The following ITGA1 variants were observed in gnomAD, a reference collection of about 807,000 sequenced individuals.
The protein encoded by ITGA1 is integrin alpha-1.
In ITGA1, 85 loss-of-function variants were observed where a neutral mutation model predicts 145.9. The observed-to-expected ratio is 0.58, with a 90% CI of 0.49 to 0.70. The LOEUF is 0.70. ITGA1 is among the 30% of genes least tolerant of loss of function. The probability of loss-of-function intolerance (pLI) is 0.00; values close to 1 mark genes in which losing one functional copy is unlikely to be tolerated. For missense variants in ITGA1, 1,351 were observed against 1,418.7 expected, an observed-to-expected ratio of 0.95 and a Z score of 0.77; for synonymous variants, 520 against 495.3, an observed-to-expected ratio of 1.05 and a Z score of -0.66.
At chr5:52,843,824 G>C (rs1749294238) in intron 1 of ITGA1, among the ~76,000 whole-genome samples, 1 of 152,016 alleles carries the variant, frequency 6.6e-6, no homozygotes, top group Non-Finnish European at 1.5e-5. Flanking sequence ...AATGCAACCT[G>C]GCTTTTGGCA....
chr5:52,923,347 G>GTAATTGGCA (rs1356364722), intron 18 of ITGA1, among the ~76,000 whole-genome samples: 10 of 151,958 alleles, frequency 6.6e-5, no homozygotes, highest in African/African-American at 2.4e-4. Context: ...TCTTCCTCTG[G>GTAATTGGCA]TAATTGGCAA....
rs577373802 is a variant in ITGA1 at position 52,831,678 on chromosome 5, G to A, written c.62-17687G>A. 1.3e-4 allele frequency among the ~76,000 whole-genome samples: 20 copies of A among 150,322 alleles called. No individual in the cohort carries two copies. In the East Asian group the frequency reaches 1.8e-3, roughly 13 times the overall value. On this transcript the variant is annotated intron_variant, in intron 1 of 28. Coordinates refer to ENST00000282588, the MANE Select transcript of ITGA1 (RefSeq NM_181501.2). ...TTTAATTACATCTTAAATACATCTC[G>A]CAAGTGACTACAAATTCTTTGAGGG...
At chr5:52,857,957 T>G (rs990034190) in intron 2 of ITGA1, among the ~76,000 whole-genome samples, 2 of 152,202 alleles carry the variant, frequency 1.3e-5, no homozygotes, top group African/African-American at 4.8e-5. Context: ...CCAAAAAACT[T>G]ACCTGAACCA....
intron 1 of ITGA1, among the ~76,000 whole-genome samples, chr5:52,831,589 C>T (rs983296547): frequency 1.3e-5 from 2 of 150,552 alleles, no homozygotes; most frequent in African/African-American, 4.9e-5. Context: ...ATCACAATAA[C>T]AGTAATCACT....
chr5:52,913,430 A>T (rs1344740789), intron 14 of ITGA1, among the ~76,000 whole-genome samples: 1 of 152,200 alleles, frequency 6.6e-6, no homozygotes, highest in African/African-American at 2.4e-5. Flanking sequence ...AATAAATCTG[A>T]ATATTAAGTT....
chr5:52,944,665 T>C (rs576818835), intron 26 of ITGA1, among the ~76,000 whole-genome samples: 2 of 152,286 alleles, frequency 1.3e-5, no homozygotes, highest in East Asian at 3.9e-4. Flanking sequence ...AGGCAGAGTT[T>C]GAGGTTTGTT....
intron 24 of ITGA1, among the ~76,000 whole-genome samples, chr5:52,938,011 C>T (rs959977623): frequency 2.0e-5 from 3 of 152,176 alleles, no homozygotes; most frequent in African/African-American, 7.2e-5. Flanking sequence ...AGAGTGATCT[C>T]ATCTGGAGAT....
At chr5:52,913,225 C>T (rs1450245151) in intron 14 of ITGA1, among the ~76,000 whole-genome samples, 1 of 151,982 alleles carries the variant, frequency 6.6e-6, no homozygotes, top group Non-Finnish European at 1.5e-5. Context: ...GAGGGCACTG[C>T]TTTCTGAATA....
At chr5:52,942,691 C>T (rs1002800868) in intron 26 of ITGA1, among the ~76,000 whole-genome samples, 4 of 133,230 alleles carry the variant, frequency 3.0e-5, no homozygotes, top group South Asian at 2.8e-4. Flanking sequence ...CCACCATGCC[C>T]GGCTAATTTT....
At chr5:52,824,205 C>T (rs1748923081) in intron 1 of ITGA1, 1 of 151,846 alleles carries the variant, frequency 6.6e-6, no homozygotes, top group South Asian at 2.1e-4. Context: ...CATGATTCAT[C>T]CACATTTTAA....
intron 1 of ITGA1, among the ~76,000 whole-genome samples, chr5:52,840,308 G>A (rs908938163): frequency 6.6e-5 from 10 of 152,164 alleles, no homozygotes; most frequent in East Asian, 3.9e-4. Flanking sequence ...GTTTTGAAGC[G>A]TAGTACGCCT....
chr5:52,862,859 G>C (rs553800064), intron 3 of ITGA1, among the ~76,000 whole-genome samples: 39 of 152,146 alleles, frequency 2.6e-4, no homozygotes, highest in African/African-American at 9.4e-4. Flanking sequence ...GTATTTTTCA[G>C]TTCTCCTTTT....
chr5:52,876,773 G>A (rs927606757), intron 6 of ITGA1, among the ~76,000 whole-genome samples: 1 of 152,232 alleles, frequency 6.6e-6, no homozygotes. Flanking sequence ...GATATAGTGT[G>A]CACTCAAACA....
At chr5:52,951,579 T>G (rs1451981802) in intron 28 of ITGA1, among the ~76,000 whole-genome samples, 2 of 152,194 alleles carry the variant, frequency 1.3e-5, no homozygotes, top group Non-Finnish European at 2.9e-5. Context: ...AAGAGGCTTT[T>G]TATATCAAAT....
chr5:52,800,658 C>T lies in ITGA1; in HGVS notation c.61+12244C>T, dbSNP rs772209348. On this transcript the variant is annotated intron_variant, in intron 1 of 28. Transcript: ENST00000282588. Reference sequence around the variant, plus strand: ...AGCTGCGGGTTAAGGGGACCAACATCCAAGAGAATGAGTATGTCAAGATGG... The same window carrying T: ...AGCTGCGGGTTAAGGGGACCAACATTCAAGAGAATGAGTATGTCAAGATGG... The T allele has an allele frequency of 1.9e-6, 3 of 1,614,146 alleles. No individual in the cohort carries two copies. The East Asian group carries it at 6.7e-5, about 36-fold the overall frequency.
At chr5:52,932,495 G>A (rs1750907728) in intron 22 of ITGA1, 1 of 172,218 alleles carries the variant, frequency 5.8e-6, no homozygotes, top group Admixed American at 6.3e-5. Flanking sequence ...ATATTTCTTG[G>A]TCATCGTTCT....
chr5:52,876,533 C>T (rs1447828975), intron 6 of ITGA1, among the ~76,000 whole-genome samples: 3 of 152,142 alleles, frequency 2.0e-5, no homozygotes, highest in Non-Finnish European at 2.9e-5. Context: ...TCCCTCTTCA[C>T]ATTTCCCAGA....
chr5:52,802,333 A>T (rs1379965891), intron 1 of ITGA1: 1 of 152,282 alleles, frequency 6.6e-6, no homozygotes, highest in African/African-American at 2.4e-5. Flanking sequence ...TTAGATTTAA[A>T]TAGTTTTACT....
intron 7 of ITGA1, among the ~76,000 whole-genome samples, 159 bp from the exon 8 acceptor site, chr5:52,887,656 G>C (rs1750075397): frequency 6.6e-6 from 1 of 152,154 alleles, no homozygotes. Flanking sequence ...TTACAAACAA[G>C]GCTCATTATG....
Sources: allele counts gnomAD v4.1 joint callset (sites outside exome capture counted in the v4.1 genomes callset), GRCh38; gene constraint gnomAD v4.1.1; transcripts MANE v1.5; gene names NCBI Gene and HGNC (gene_info 2026-07-23, HGNC 2026-07-21).